Variants in MAGI2 observed in about 807,000 individuals in gnomAD.
MAGI2 encodes membrane associated guanylate kinase, WW and PDZ domain containing 2.
MAGI2 carries 35 observed loss-of-function variants against 133.3 expected under a neutral mutation model. That is an observed-to-expected ratio of 0.26 (90% confidence interval 0.20 to 0.35). The LOEUF is 0.35. MAGI2 is among the 10% of genes least tolerant of loss of function. The pLI is 1.00. For synonymous variants in MAGI2, 729 were observed against 710.6 expected (o/e 1.03, Z -0.41); for missense variants, 1,636 against 1,863.4 (o/e 0.88, Z 2.25).
intron 2 of MAGI2, among the ~76,000 whole-genome samples, chr7:78,980,568 A>G (rs915787201): frequency 6.6e-6 from 1 of 151,888 alleles, no homozygotes; most frequent in African/African-American, 2.4e-5. Flanking sequence ...TCCATTTTAG[A>G]TGCTGTAAAT....
intron 10 of MAGI2, among the ~76,000 whole-genome samples, chr7:78,210,974 A>G (rs976839118): frequency 2.0e-5 from 3 of 152,212 alleles, no homozygotes; most frequent in African/African-American, 7.2e-5. Context: ...AAGCAGTGTC[A>G]TAGTGGCTAC....
intron 1 of MAGI2, among the ~76,000 whole-genome samples, chr7:79,176,460 C>A (rs1270757279): frequency 2.0e-5 from 3 of 152,060 alleles, no homozygotes; most frequent in Non-Finnish European, 4.4e-5. Context: ...TTAAGAAACT[C>A]ATACAAGGTC....
At position 79,017,004 on chromosome 7, in the gene MAGI2, C is replaced by T. The variant is rs140848886; in HGVS notation, c.302-9798G>A. Among the ~76,000 whole-genome samples the T allele has an allele frequency of 1.4e-3, 217 of 152,378 alleles. 1 individual carries two copies. The highest frequency in any genetic ancestry group is 4.8e-3 in the African/African-American group (201 of 41,600). ...CCCCGTGCATCTCCACATAGTGGTG[C>T]CCTGCCAACACTGCTGTTGCAAGTG... On this transcript the variant is annotated intron_variant, in intron 1 of 21. Transcript: ENST00000354212.
At chr7:78,979,555 A>G (rs1804603645) in intron 2 of MAGI2, among the ~76,000 whole-genome samples, 2 of 151,812 alleles carry the variant, frequency 1.3e-5, no homozygotes, top group African/African-American at 2.4e-5. Context: ...TTATTCAAAC[A>G]AACTATTCCC....
At chr7:78,676,258 TA>T (rs1160714690) in intron 2 of MAGI2, among the ~76,000 whole-genome samples, 2 of 152,172 alleles carry the variant, frequency 1.3e-5, no homozygotes, top group African/African-American at 4.8e-5. Context: ...GAACTCATAA[TA>T]TGTGGCTTCT....
At chr7:78,579,042 C>T (rs1239801569) in intron 3 of MAGI2, among the ~76,000 whole-genome samples, 1 of 152,168 alleles carries the variant, frequency 6.6e-6, no homozygotes, top group Non-Finnish European at 1.5e-5. Context: ...ATCTGTGTGG[C>T]TCACTCCTTT....
At chr7:79,284,941 TA>T (rs1221352670) in intron 1 of MAGI2, among the ~76,000 whole-genome samples, 1 of 152,032 alleles carries the variant, frequency 6.6e-6, no homozygotes, top group Admixed American at 6.6e-5. Context: ...GCTGAATTTT[TA>T]TAAGTTTATA....
chr7:78,040,347 G>A (rs1810682141), intron 21 of MAGI2, among the ~76,000 whole-genome samples: 1 of 152,168 alleles, frequency 6.6e-6, no homozygotes, highest in African/African-American at 2.4e-5. Context: ...ATGAGGGGAG[G>A]CACAGGCGGG....
chr7:79,223,607 C>T (rs141888389), intron 1 of MAGI2, among the ~76,000 whole-genome samples: 2 of 151,942 alleles, frequency 1.3e-5, no homozygotes, highest in African/African-American at 4.8e-5. Context: ...GTGAGAGAAT[C>T]GCCTGAGCCC....
intron 2 of MAGI2, among the ~76,000 whole-genome samples, chr7:78,779,878 A>G (rs1826264057): frequency 1.3e-5 from 2 of 152,224 alleles, no homozygotes; most frequent in Admixed American, 6.5e-5. Flanking sequence ...TTTTTGGGTC[A>G]GAAAGCTTAG....
At chr7:79,137,114 G>A (rs1821651436) in intron 1 of MAGI2, among the ~76,000 whole-genome samples, 1 of 152,006 alleles carries the variant, frequency 6.6e-6, no homozygotes, top group Non-Finnish European at 1.5e-5. Context: ...GACTGAGGCT[G>A]GGGTGGCTGT....
intron 10 of MAGI2, 140 bp from the exon 11 acceptor site, chr7:78,201,333 G>A (rs550327437): frequency 9.1e-5 from 44 of 481,404 alleles, no homozygotes; most frequent in African/African-American, 2.3e-4. Context: ...TGGCTGTATC[G>A]TTTTCTTCAA....
rs186545662 is a variant in MAGI2, at chr7:78,828,097, C to A, written c.418+178993G>T. On this transcript the variant is annotated intron_variant, in intron 2 of 21. Coordinates refer to ENST00000354212, the MANE Select transcript of MAGI2 (RefSeq NM_012301.4). The stretch of plus-strand genomic sequence containing the variant: ...ACAGGGTTTCACCATGTTGGCCAGG[C>A]TGGTCTGGAACTTCTGACCTCAAGT... 9.1e-4 allele frequency among the ~76,000 whole-genome samples: 138 copies of A among 152,276 alleles called. 1 individual carries two copies. Among genetic ancestry groups the A allele is most frequent in the Non-Finnish European group, 1.5e-3 (103 of 68,018 alleles).
intron 1 of MAGI2, among the ~76,000 whole-genome samples, chr7:79,136,040 AGAAAGAAG>A (rs1562929029): frequency 1.1e-4 from 15 of 139,472 alleles, no homozygotes; most frequent in African/African-American, 3.6e-4. Context: ...AAAGAAAGAA[AGAAAGAAG>A]GAAAGAAAGA....
intron 9 of MAGI2, among the ~76,000 whole-genome samples, chr7:78,335,815 A>T (rs1165020513): frequency 6.6e-6 from 1 of 152,234 alleles, no homozygotes; most frequent in Non-Finnish European, 1.5e-5. Context: ...ATGGGAAACA[A>T]TATATTTATG....
At position 78,987,243 on chromosome 7, in the gene MAGI2, T is replaced by A. The variant is rs141775988; in HGVS notation, c.418+19847A>T. Among the ~76,000 whole-genome samples, 1,043 of 152,130 alleles carry A rather than the reference T, an allele frequency of 6.9e-3. 8 individuals carry two copies. Among genetic ancestry groups the A allele is most frequent in the Non-Finnish European group, 9.9e-3 (671 of 67,952 alleles). ...CAATGGAAAGTGAGACTCATATTAA[T>A]GAGTTGGAAAAAAGTGCAGATATAG... is the stretch of plus-strand genomic sequence containing the variant. On this transcript the variant is annotated intron_variant, in intron 2 of 21. Transcript: ENST00000354212.
intron 12 of MAGI2, among the ~76,000 whole-genome samples, chr7:78,192,030 G>A (rs1300204474): frequency 6.6e-6 from 1 of 152,216 alleles, no homozygotes; most frequent in Non-Finnish European, 1.5e-5. Context: ...GCTCAGGCTT[G>A]TGGGTGGAGG....
intron 21 of MAGI2, chr7:78,072,690 CTTTCT>C: frequency 5.2e-6 from 2 of 387,954 alleles, no homozygotes; most frequent in Middle Eastern, 6.5e-4. Flanking sequence ...AATATTTTTT[CTTTCT>C]TTTGAGTTGG....
At chr7:78,726,595 C>A (rs1194197884) in intron 2 of MAGI2, among the ~76,000 whole-genome samples, 5 of 152,008 alleles carry the variant, frequency 3.3e-5, no homozygotes, top group Admixed American at 2.6e-4. Flanking sequence ...TTACTGTTGG[C>A]ATTATCATCG....
Sources: gnomAD v4.1 joint callset for allele counts (sites outside exome capture counted in the v4.1 genomes callset) on GRCh38, gnomAD v4.1.1 for gene constraint, MANE v1.5 for transcripts, NCBI Gene and HGNC (gene_info 2026-07-23, HGNC 2026-07-21) for gene names.